Variants in ASAP3 observed in about 807,000 individuals in gnomAD.
ASAP3 encodes the protein arf-GAP with SH3 domain, ANK repeat and PH domain-containing protein 3.
In ASAP3, 85 loss-of-function variants were observed where a neutral mutation model predicts 118.2. The observed-to-expected ratio is 0.72, with a 90% CI of 0.60 to 0.86. ASAP3 has a LOEUF of 0.86. Ranked by LOEUF, ASAP3 falls within the 40% of genes least tolerant of loss-of-function variation. The pLI is 0.00. For missense variants in ASAP3, 1,026 were observed against 1,175.0 expected, an observed-to-expected ratio of 0.87 and a Z score of 1.85; for synonymous variants, 432 against 477.4, an observed-to-expected ratio of 0.90 and a Z score of 1.24.
intron 10 of ASAP3, among the ~76,000 whole-genome samples, chr1:23,439,678 C>T (rs1480800520): frequency 3.3e-5 from 5 of 152,176 alleles, no homozygotes; most frequent in South Asian, 2.1e-4. Flanking sequence ...TCCAAAACTC[C>T]GTAACACTTC....
At chr1:23,440,142 T>A (rs1640810974) in intron 10 of ASAP3, among the ~76,000 whole-genome samples, 1 of 147,668 alleles carries the variant, frequency 6.8e-6, no homozygotes, top group South Asian at 2.2e-4. Context: ...TTTTTTTTTT[T>A]ACACTAGGAA....
intron 1 of ASAP3, among the ~76,000 whole-genome samples, chr1:23,482,594 A>G (rs1415766517): frequency 1.3e-5 from 2 of 152,148 alleles, no homozygotes; most frequent in Non-Finnish European, 2.9e-5. Context: ...TCCACAGATG[A>G]CAGGACAGGT....
Position 23,436,960 on chromosome 1 carries a change from G to A in ASAP3, c.1427C>T (p.Ser476Leu), listed in dbSNP as rs1357736082. Residue 476 changes from serine (S) to leucine (L), a missense_variant, in exon 15 of 25, where the codon TCG (serine) becomes TTG (leucine). Transcript: ENST00000336689. This position sits in a 1 kb window ranked among gnomAD's most constrained non-coding sequence, Gnocchi z 4.2. ...GVHRELGVRF[S>L]RMQSLTLDLL... ...GTCCAAGGTGAGTGACTGCATGCGC[G>A]AAAAGCGCACGCCCAGTTCGCGGTG... is the stretch of plus-strand genomic sequence containing the variant. 1.2e-6 allele frequency: 2 copies of A among 1,611,564 alleles called. No individual in the cohort carries two copies. The highest frequency in any genetic ancestry group is 1.3e-5 in the African/African-American group (1 of 74,858).
Position 23,436,513 on chromosome 1 carries a change from G to C in ASAP3, c.1571+47C>G. 1.3e-6 allele frequency: 2 copies of C among 1,596,374 alleles called. No individual in the cohort carries two copies. Among genetic ancestry groups the C allele is most frequent in the Non-Finnish European group, 1.7e-6 (2 of 1,163,908 alleles). ...TTCTACGACCCTGGACACTGCGGAG[G>C]CAGAATCCCCTAGGCAGGGTGCCCC... is the stretch of plus-strand genomic sequence containing the variant. On this transcript the variant is annotated intron_variant, in intron 16 of 24. Transcript: ENST00000336689. The surrounding 1 kb of genome is among the most constrained non-coding windows in gnomAD (Gnocchi z 4.2).
At chr1:23,441,250 C>A in intron 9 of ASAP3, 39 bp from the exon 10 acceptor site, 1 of 1,611,924 alleles carries the variant, frequency 6.2e-7, no homozygotes, top group Non-Finnish European at 8.5e-7. Context: ...CAGGGCATCT[C>A]AGTGGGAAGA....
At chr1:23,442,766 G>A in intron 5 of ASAP3, 154 bp from the exon 6 acceptor site, 1 of 1,145,082 alleles carries the variant, frequency 8.7e-7, no homozygotes, top group Non-Finnish European at 1.2e-6. Context: ...GACAGTTTAG[G>A]GAATCCACAG....
At chr1:23,439,359 C>A in intron 10 of ASAP3, 129 bp from the exon 11 acceptor site, 2 of 787,022 alleles carry the variant, frequency 2.5e-6, no homozygotes, top group South Asian at 1.6e-5. Flanking sequence ...CTTCTCCTAA[C>A]CCTACACCCC....
Position 23,438,904 on chromosome 1 carries a change from C to A in ASAP3, c.1015-70G>T. 2.7e-6 allele frequency: 4 copies of A among 1,468,084 alleles called. No homozygotes were observed. The highest frequency in any genetic ancestry group is 3.8e-6 in the Non-Finnish European group (4 of 1,050,134). The allele number at this position is 1,468,084 out of a possible 1,614,324, so 90.9% of individuals were successfully genotyped here. On this transcript the variant is annotated intron_variant, in intron 11 of 24. Transcript: ENST00000336689. This position sits in a 1 kb window ranked among gnomAD's most constrained non-coding sequence, Gnocchi z 4.9. ...CTCCACATTCTTTAGGCCTCCATTT[C>A]CCACTCTGTTAAATGGGCATAATCA...
At chr1:23,441,628 C>T (rs763770987) in intron 8 of ASAP3, 27 bp downstream of exon 8, 49 of 1,613,314 alleles carry the variant, frequency 3.0e-5, no homozygotes, top group Non-Finnish European at 3.8e-5. Flanking sequence ...GGCTTGATCA[C>T]GTGCCCAAGG....
chr1:23,441,916 TA>T (rs1224104264), intron 7 of ASAP3, among the ~76,000 whole-genome samples, 186 bp from the exon 8 acceptor site: 1 of 152,162 alleles, frequency 6.6e-6, no homozygotes, highest in African/African-American at 2.4e-5. Context: ...ACTTACTAGC[TA>T]TGTAATCTTG....
At chr1:23,476,963 G>T (rs1271643886) in intron 1 of ASAP3, among the ~76,000 whole-genome samples, 2 of 151,930 alleles carry the variant, frequency 1.3e-5, no homozygotes, top group Admixed American at 1.3e-4. Context: ...ACAACAGTGA[G>T]ATTAGTTTCT....
In ASAP3 at chr1:23,436,609, C is replaced by A. The variant is rs1462897349; in HGVS notation, c.1522G>T (p.Ala508Ser). ...GNTSFNEVMEAQLPSHGGPKP... is the reference protein window; with the variant it reads ...GNTSFNEVMESQLPSHGGPKP... ...GGGCCGCCGTGTGAGGGTAGCTGGGCCTCCATGACCTCATTGAAGCTCGTG... is the reference window on the plus strand; with the variant it reads ...GGGCCGCCGTGTGAGGGTAGCTGGGACTCCATGACCTCATTGAAGCTCGTG... The change falls in exon 16 of 25, where the codon GCC becomes TCC. Residue 508 changes from alanine (A) to serine (S), a missense_variant. Ala to Ser is a moderately conservative substitution (Grantham distance 99). Coordinates refer to ENST00000336689, the MANE Select transcript of ASAP3 (RefSeq NM_017707.4). The surrounding 1 kb of genome is among the most constrained non-coding windows in gnomAD (Gnocchi z 4.2). 1 of 1,614,100 alleles carries A rather than the reference C, an allele frequency of 6.2e-7. No homozygotes were observed. The highest frequency in any genetic ancestry group is 8.5e-7 in the Non-Finnish European group (1 of 1,180,044).
intron 5 of ASAP3, among the ~76,000 whole-genome samples, chr1:23,447,131 GTT>G (rs1641071931): frequency 6.6e-6 from 1 of 152,198 alleles, no homozygotes; most frequent in South Asian, 2.1e-4. Flanking sequence ...ACCTCCTGCT[GTT>G]CAGTCCAGGT....
At position 23,437,109 on chromosome 1, in the gene ASAP3, G is replaced by A. The variant is rs1157733756; in HGVS notation, c.1342+21C>T. The A allele has an allele frequency of 1.2e-6, 2 of 1,600,690 alleles. No homozygotes were observed. Among genetic ancestry groups the A allele is most frequent in the South Asian group, 2.2e-5 (2 of 89,144 alleles). On this transcript the variant is annotated intron_variant, in intron 14 of 24. Transcript: ENST00000336689. This position sits in a 1 kb window ranked among gnomAD's most constrained non-coding sequence, Gnocchi z 6.1. ...TCCCCTCCACTTAAGCCTCCCTCCTGCCCCGGCCCCGGGGACCGACCTGCA... is the reference window on the plus strand; with the variant it reads ...TCCCCTCCACTTAAGCCTCCCTCCTACCCCGGCCCCGGGGACCGACCTGCA...
At position 23,438,394 on chromosome 1, in the gene ASAP3, G is replaced by A. The variant is rs1013868292; in HGVS notation, c.1102+353C>T. ...GCCTGCACCAAAGGCTCTGAAGAACGAAAAGTAGAAAATGTAAAGAAACAA... is the reference window on the plus strand; with the variant it reads ...GCCTGCACCAAAGGCTCTGAAGAACAAAAAGTAGAAAATGTAAAGAAACAA... On this transcript the variant is annotated intron_variant, in intron 12 of 24. Transcript: ENST00000336689. This position sits in a 1 kb window ranked among gnomAD's most constrained non-coding sequence, Gnocchi z 4.9. 6.6e-6 allele frequency among the ~76,000 whole-genome samples: 1 copy of A among 151,978 alleles called. No individual in the cohort carries two copies. Among genetic ancestry groups the A allele is most frequent in the Non-Finnish European group, 1.5e-5 (1 of 68,004 alleles).
chr1:23,457,024 C>G (rs1261655464), intron 1 of ASAP3, among the ~76,000 whole-genome samples: 1 of 152,224 alleles, frequency 6.6e-6, no homozygotes, highest in African/African-American at 2.4e-5. Flanking sequence ...AACACTCCCC[C>G]TTTCAGTGGG....
intron 1 of ASAP3, among the ~76,000 whole-genome samples, chr1:23,482,647 G>A (rs1357555944): frequency 6.6e-6 from 1 of 152,086 alleles, no homozygotes; most frequent in Non-Finnish European, 1.5e-5. Flanking sequence ...CAGAGCCAGC[G>A]TTTGAAAAAA....
intron 1 of ASAP3, among the ~76,000 whole-genome samples, chr1:23,478,424 C>T (rs1986133): frequency 0.54 from 82,368 of 151,748 alleles, 26,118 homozygotes; most frequent in Non-Finnish European, 0.69. Context: ...CAGATCGTGC[C>T]GTTGCACTCC....
rs1003293425 is a variant in ASAP3 at position 23,456,133 on chromosome 1, C to T, written c.191G>A (p.Ser64Asn). 1.9e-6 allele frequency: 3 copies of T among 1,614,128 alleles called. No individual in the cohort carries two copies. The highest frequency in any genetic ancestry group is 2.5e-6 in the Non-Finnish European group (3 of 1,180,012). Residue 64 changes from serine (S) to asparagine (N), a missense_variant, in exon 2 of 25, where the codon AGC (serine) becomes AAC (asparagine). By Grantham distance (46) the Ser-to-Asn change is conservative. Coordinates refer to ENST00000336689, the MANE Select transcript of ASAP3 (RefSeq NM_017707.4). Reference sequence around the variant, plus strand: ...GGAGGCTCACTTACCAAGGCCGGAGCTATGGATTGCCCGCACAGCCTTCTT... The same window carrying T: ...GGAGGCTCACTTACCAAGGCCGGAGTTATGGATTGCCCGCACAGCCTTCTT... ...RIKKAVRAIH[S>N]SGLGHVENEE...
Sources: allele counts gnomAD v4.1 joint callset (sites outside exome capture counted in the v4.1 genomes callset), GRCh38; gene constraint gnomAD v4.1.1; non-coding constraint Gnocchi (gnomAD v3.1); transcripts MANE v1.5; gene names NCBI Gene and HGNC (gene_info 2026-07-23, HGNC 2026-07-21).